Variants in TNS1 observed in about 807,000 individuals in gnomAD.
TNS1 encodes tensin 1.
In TNS1, 62 loss-of-function variants were observed where a neutral mutation model predicts 168.6. The observed-to-expected ratio is 0.37, with a 90% CI of 0.30 to 0.45. TNS1 has a LOEUF of 0.45. TNS1 is among the 20% of genes least tolerant of loss of function. TNS1 has a pLI of 1.00. For synonymous variants in TNS1, 934 were observed against 933.2 expected (o/e 1.00, Z -0.02); for missense variants, 2,240 against 2,339.4 (o/e 0.96, Z 0.88).
At chr2:217,906,419 G>A (rs942083713) in intron 5 of TNS1, 34 bp from the exon 6 acceptor site, 1 of 702,738 alleles carries the variant, frequency 1.4e-6, no homozygotes, top group South Asian at 1.5e-5. Context: ...AGAGAGGGGA[G>A]GCAAGAAAAA....
At chr2:217,930,733 G>A (rs1307541252) in intron 3 of TNS1, among the ~76,000 whole-genome samples, 9 of 152,206 alleles carry the variant, frequency 5.9e-5, no homozygotes, top group Non-Finnish European at 1.2e-4. Context: ...GCACGCGGCC[G>A]GAGGACTAGG....
rs1437152855 is a variant in TNS1, at chr2:217,995,837, CCTT to C, written c.34-4784_34-4782del. ...AGGGGAAGGGCTCCAGCCTATAAGT[CCTT>C]CTTCTCCTCCCTCCAAGCCCAGAGC... is the stretch of plus-strand genomic sequence containing the variant. On this transcript the variant is annotated intron_variant, in intron 1 of 32. Transcript: ENST00000682258. The surrounding 1 kb of genome is among the most constrained non-coding windows in gnomAD (Gnocchi z 4.1). 1.3e-5 allele frequency among the ~76,000 whole-genome samples: 2 copies of C among 152,212 alleles called. No individual in the cohort carries two copies. Among genetic ancestry groups the C allele is most frequent in the African/African-American group, 2.4e-5 (1 of 41,458 alleles).
rs757024420 is a variant in TNS1 at position 217,900,312 on chromosome 2, T to A, written c.371+151A>T. ...CTGTTGCCAACGGCATCCGCACGCA[T>A]CCTCTCCTGTGCCTTTCACGTTTGC... On this transcript the variant is annotated intron_variant, in intron 7 of 32. Coordinates refer to ENST00000682258, the MANE Select transcript of TNS1 (RefSeq NM_001387777.1). The A allele has an allele frequency of 4.3e-4, 359 of 834,510 alleles. 1 individual carries two copies. The highest frequency in any genetic ancestry group is 5.9e-4 in the Non-Finnish European group (317 of 537,382). 51.7% of individuals were successfully genotyped at this position (834,510 alleles called of 1,614,324 possible). A position where few individuals can be genotyped will look rare whatever the true frequency, so the allele number is the denominator to read the frequency against.
At chr2:218,030,378 T>C (rs1337464433) in intron 1 of TNS1, among the ~76,000 whole-genome samples, 1 of 152,180 alleles carries the variant, frequency 6.6e-6, no homozygotes, top group Non-Finnish European at 1.5e-5. Flanking sequence ...ACCCATCACA[T>C]CCTGAACTTA....
At chr2:217,935,428 C>T (rs959021035) in intron 3 of TNS1, among the ~76,000 whole-genome samples, 1 of 152,144 alleles carries the variant, frequency 6.6e-6, no homozygotes, top group African/African-American at 2.4e-5. Flanking sequence ...AATCACCTCT[C>T]CTCCCCCAGC....
chr2:217,914,470 T>C (rs1954775974), intron 4 of TNS1, among the ~76,000 whole-genome samples: 1 of 152,228 alleles, frequency 6.6e-6, no homozygotes, highest in Non-Finnish European at 1.5e-5. Flanking sequence ...TGGTGCCTTA[T>C]ACCTGATAGG....
chr2:217,983,335 G>A (rs189764395), intron 2 of TNS1, among the ~76,000 whole-genome samples: 15 of 152,226 alleles, frequency 9.9e-5, no homozygotes, highest in African/African-American at 2.6e-4. Context: ...ACAAACCCAC[G>A]TATGCACCCT....
At chr2:218,031,040 G>A (rs1958888406) in intron 1 of TNS1, among the ~76,000 whole-genome samples, 1 of 151,646 alleles carries the variant, frequency 6.6e-6, no homozygotes, top group Non-Finnish European at 1.5e-5. Context: ...GTGTATGTGA[G>A]TGAGCATGTG....
intron 3 of TNS1, among the ~76,000 whole-genome samples, chr2:217,956,060 C>T (rs1048821253): frequency 2.0e-5 from 3 of 152,198 alleles, no homozygotes; most frequent in Non-Finnish European, 4.4e-5. Context: ...TCACGGAAGG[C>T]TCTGGAGGAA....
chr2:218,010,137 G>C (rs986231334), exon 1 of TNS1: 9 of 399,298 alleles, frequency 2.3e-5, no homozygotes, highest in East Asian at 2.1e-4. Context: ...CAGGAGGCAC[G>C]AGAAGAGGTA....
At chr2:217,804,697 A>G in intron 32 of TNS1, 94 bp from the exon 33 acceptor site, 1 of 1,509,914 alleles carries the variant, frequency 6.6e-7, no homozygotes, top group Admixed American at 1.9e-5. Context: ...GTCTCAGGCC[A>G]ACCTCTCTTC....
intron 19 of TNS1, among the ~76,000 whole-genome samples, chr2:217,844,738 T>A (rs1393510613): frequency 6.6e-6 from 1 of 152,212 alleles, no homozygotes; most frequent in Non-Finnish European, 1.5e-5. Context: ...AGTTCTTTTT[T>A]CCCCCTATTA....
chr2:217,811,864 G>C (rs2552522), intron 28 of TNS1, among the ~76,000 whole-genome samples: 1,970 of 152,274 alleles, frequency 0.013, 33 homozygotes, highest in African/African-American at 0.044. Flanking sequence ...TTCCCTAACA[G>C]CTCAGCATCC....
intron 19 of TNS1, among the ~76,000 whole-genome samples, chr2:217,839,464 TGCCAGGACA>T (rs745908990): frequency 7.9e-5 from 12 of 152,214 alleles, no homozygotes; most frequent in Middle Eastern, 6.8e-3. Flanking sequence ...GTCACTCTTC[TGCCAGGACA>T]GTGCTGTGCT....
At chr2:217,981,600 C>G (rs1036932082) in intron 2 of TNS1, among the ~76,000 whole-genome samples, 1 of 152,228 alleles carries the variant, frequency 6.6e-6, no homozygotes, top group Non-Finnish European at 1.5e-5. Context: ...GCTTAGCAAA[C>G]TGAAAGCAAG....
At chr2:217,947,066 C>T (rs1294892768) in intron 3 of TNS1, among the ~76,000 whole-genome samples, 1 of 151,804 alleles carries the variant, frequency 6.6e-6, no homozygotes, top group Non-Finnish European at 1.5e-5. Context: ...CTTCCAAGCC[C>T]CTGAGGACCA....
chr2:217,876,613 T>C (rs1384917240), intron 18 of TNS1, among the ~76,000 whole-genome samples: 1 of 152,190 alleles, frequency 6.6e-6, no homozygotes, highest in Admixed American at 6.5e-5. Flanking sequence ...TTCAGATTCC[T>C]GTTTTGCAAC....
At chr2:217,918,853 C>T (rs938744739) in intron 4 of TNS1, among the ~76,000 whole-genome samples, 5 of 152,136 alleles carry the variant, frequency 3.3e-5, no homozygotes, top group African/African-American at 1.2e-4. Context: ...CCAGCCCCCG[C>T]TGTTGCCAGA....
chr2:217,926,598 G>T (rs769465257), intron 3 of TNS1, among the ~76,000 whole-genome samples: 4 of 152,184 alleles, frequency 2.6e-5, no homozygotes, highest in Non-Finnish European at 4.4e-5. Context: ...AGTTTTTCAG[G>T]TAAATGGGCT....
Sources: gnomAD v4.1 joint callset for allele counts (sites outside exome capture counted in the v4.1 genomes callset) on GRCh38, gnomAD v4.1.1 for gene constraint, Gnocchi (gnomAD v3.1) non-coding constraint, MANE v1.5 for transcripts, NCBI Gene and HGNC (gene_info 2026-07-23, HGNC 2026-07-21) for gene names.